COL5A2: variants seen among roughly 807,000 people sequenced by gnomAD.
COL5A2 encodes the protein collagen alpha-2(V) chain.
In COL5A2, 23 loss-of-function variants were observed where a neutral mutation model predicts 208.2. That is an observed-to-expected ratio of 0.11 (90% confidence interval 0.08 to 0.16). COL5A2 has a LOEUF of 0.16. Among genes scored for constraint, COL5A2 ranks in the 10% least tolerant of loss-of-function variants. COL5A2 has a pLI of 1.00. For missense variants in COL5A2, 1,590 were observed against 1,956.4 expected (o/e 0.81, Z 3.53); for synonymous variants, 625 against 628.5 (o/e 0.99, Z 0.08).
chr2:189,057,920 T>C (rs188134518), intron 33 of COL5A2, among the ~76,000 whole-genome samples: 32 of 152,268 alleles, frequency 2.1e-4, no homozygotes, highest in African/African-American at 6.7e-4. Context: ...ACTTCAATTG[T>C]TTATACTGAA....
At chr2:189,290,115 C>T in the COL5A2 span, among the ~76,000 whole-genome samples, 1 of 152,166 alleles carries the variant, frequency 6.6e-6, no homozygotes, top group East Asian at 1.9e-4. Context: ...CAGCATGGTA[C>T]TGGCATAAAC....
chr2:189,434,718 G>C, the COL5A2 span, among the ~76,000 whole-genome samples: 3 of 152,124 alleles, frequency 2.0e-5, no homozygotes, highest in Non-Finnish European at 4.4e-5. Context: ...TCATGGAGAG[G>C]AAGAATCAAT....
chr2:189,379,026 G>C, the COL5A2 span, among the ~76,000 whole-genome samples: 1 of 152,132 alleles, frequency 6.6e-6, no homozygotes, highest in African/African-American at 2.4e-5. Context: ...AAAGACCACT[G>C]TTAGAGTAGC....
At chr2:189,389,917 T>C in the COL5A2 span, among the ~76,000 whole-genome samples, 1 of 152,170 alleles carries the variant, frequency 6.6e-6, no homozygotes, top group African/African-American at 2.4e-5. Context: ...ATCTAGAAGC[T>C]ACATTCCACC....
In COL5A2 at chr2:189,060,704, G is replaced by A; in HGVS notation, c.2085+26C>T. 2.5e-6 allele frequency: 4 copies of A among 1,586,174 alleles called. No individual in the cohort carries two copies. The South Asian group carries it at 3.3e-5, about 13-fold the overall frequency. On this transcript the variant is annotated intron_variant, in intron 31 of 53. Transcript: ENST00000374866. ...AATTGAGCCAGCAATGTATAGTGTTGCCATTATTATTATTTAAACACTTAC... is the reference window on the plus strand; with the variant it reads ...AATTGAGCCAGCAATGTATAGTGTTACCATTATTATTATTTAAACACTTAC...
chr2:189,430,089 CAT>C, the COL5A2 span, among the ~76,000 whole-genome samples: 1 of 152,212 alleles, frequency 6.6e-6, no homozygotes, highest in South Asian at 2.1e-4. Flanking sequence ...CGGGCCACAG[CAT>C]ATTAGTGGAG....
At chr2:189,215,867 C>T (rs983153687) in intron 1 of COL5A2, among the ~76,000 whole-genome samples, 1 of 152,064 alleles carries the variant, frequency 6.6e-6, no homozygotes. Context: ...AGGGAATTCC[C>T]ACCTCTTCCA....
At chr2:189,037,820 T>C (rs905593359) in intron 51 of COL5A2, among the ~76,000 whole-genome samples, 13 of 152,298 alleles carry the variant, frequency 8.5e-5, no homozygotes, top group African/African-American at 3.1e-4. Flanking sequence ...ATATGCTTGA[T>C]GATCCAGCAA....
At chr2:189,162,174 T>C (rs1271405345) in intron 1 of COL5A2, among the ~76,000 whole-genome samples, 1 of 152,204 alleles carries the variant, frequency 6.6e-6, no homozygotes, top group African/African-American at 2.4e-5. Flanking sequence ...GACCACAAAG[T>C]ATTATCCTTG....
chr2:189,161,698 T>C (rs953995104), intron 1 of COL5A2, among the ~76,000 whole-genome samples: 5 of 152,228 alleles, frequency 3.3e-5, no homozygotes, highest in Non-Finnish European at 5.9e-5. Flanking sequence ...TTCTACTATA[T>C]GCATAGCACT....
the COL5A2 span, among the ~76,000 whole-genome samples, chr2:189,330,008 G>C: frequency 2.0e-5 from 3 of 152,036 alleles, no homozygotes; most frequent in East Asian, 5.8e-4. Flanking sequence ...ATAGGAATAA[G>C]GAAAAACTGC....
chr2:189,309,057 T>C, the COL5A2 span, among the ~76,000 whole-genome samples: 2 of 152,202 alleles, frequency 1.3e-5, no homozygotes, highest in Non-Finnish European at 2.9e-5. Context: ...AGTAGTGACT[T>C]AGTGATCACA....
the COL5A2 span, among the ~76,000 whole-genome samples, chr2:189,383,717 T>C: frequency 1.1e-3 from 162 of 152,236 alleles, no homozygotes; most frequent in African/African-American, 3.8e-3. Flanking sequence ...AGGATATTTA[T>C]TATATATATC....
the COL5A2 span, among the ~76,000 whole-genome samples, chr2:189,299,785 T>C: frequency 6.6e-6 from 1 of 152,260 alleles, no homozygotes; most frequent in African/African-American, 2.4e-5. Context: ...TGCATTTAAG[T>C]ACTGGATTTA....
chr2:189,394,054 C>T, the COL5A2 span, among the ~76,000 whole-genome samples: 8 of 152,098 alleles, frequency 5.3e-5, no homozygotes, highest in South Asian at 6.2e-4. Context: ...AGCATACCTC[C>T]TAATCACACA....
chr2:189,332,414 T>C, the COL5A2 span, among the ~76,000 whole-genome samples: 3 of 152,200 alleles, frequency 2.0e-5, no homozygotes, highest in Non-Finnish European at 4.4e-5. Context: ...CCCGTATATT[T>C]CAAAGAATTG....
At position 189,034,906 on chromosome 2, in the gene COL5A2, A is replaced by G. The variant is rs367773508; in HGVS notation, c.4353+10T>C. On this transcript the variant is annotated intron_variant, in intron 53 of 53. Coordinates refer to ENST00000374866, the MANE Select transcript of COL5A2 (RefSeq NM_000393.5). ...CTCAACCAGATCAATGTAGATCAAA[A>G]AGTACTTACAGAGCAAGTGTCTTGA... 6.2e-6 allele frequency: 10 copies of G among 1,613,856 alleles called. No homozygotes were observed. The highest frequency in any genetic ancestry group is 7.6e-6 in the Non-Finnish European group (9 of 1,179,822).
the COL5A2 span, among the ~76,000 whole-genome samples, chr2:189,276,021 G>C: frequency 6.6e-6 from 1 of 152,126 alleles, no homozygotes; most frequent in African/African-American, 2.4e-5. Context: ...TTGTTTGCAT[G>C]AGGTTTAACA....
At chr2:189,134,842 T>TA (rs1401341377) in intron 1 of COL5A2, among the ~76,000 whole-genome samples, 2 of 152,204 alleles carry the variant, frequency 1.3e-5, no homozygotes, top group Non-Finnish European at 2.9e-5. Context: ...TCAGTTTTTA[T>TA]TATTTAGAAA....
Sources: gnomAD v4.1 joint callset for allele counts (sites outside exome capture counted in the v4.1 genomes callset) on GRCh38, gnomAD v4.1.1 for gene constraint, MANE v1.5 for transcripts, NCBI Gene and HGNC (gene_info 2026-07-23, HGNC 2026-07-21) for gene names.